DDX31: variants seen among roughly 807,000 people sequenced by gnomAD.
The protein encoded by DDX31 is ATP-dependent DNA helicase DDX31.
Under a neutral mutation model 91.3 loss-of-function variants are expected in DDX31, and 70 were observed. The observed-to-expected ratio is 0.77, with a 90% CI of 0.63 to 0.94. The LOEUF (loss-of-function observed/expected upper bound fraction) is 0.94. DDX31 is among the 40% of genes least tolerant of loss of function. The pLI is 0.00. For missense variants in DDX31, 902 were observed against 925.0 expected, an observed-to-expected ratio of 0.98 and a Z score of 0.32; for synonymous variants, 362 against 350.6, an observed-to-expected ratio of 1.03 and a Z score of -0.36.
chr9:132,640,204 C>T (rs977878969), intron 14 of DDX31, among the ~76,000 whole-genome samples: 2 of 152,066 alleles, frequency 1.3e-5, no homozygotes, highest in Non-Finnish European at 2.9e-5. Flanking sequence ...TGGGACAGCC[C>T]CATGGGGAAG....
intron 19 of DDX31, among the ~76,000 whole-genome samples, chr9:132,608,073 C>T (rs1411846182): frequency 6.6e-6 from 1 of 152,188 alleles, no homozygotes; most frequent in African/African-American, 2.4e-5. Context: ...GATATGTTAC[C>T]TTTGCTTCTC....
intron 17 of DDX31, among the ~76,000 whole-genome samples, chr9:132,622,088 A>C (rs1379918558): frequency 1.3e-5 from 2 of 152,156 alleles, no homozygotes; most frequent in Non-Finnish European, 2.9e-5. Context: ...ATCATGAGAC[A>C]GAGTTTCTAG....
intron 18 of DDX31, 45 bp from the exon 19 acceptor site, chr9:132,612,300 C>T: frequency 6.2e-7 from 1 of 1,611,160 alleles, no homozygotes; most frequent in East Asian, 2.2e-5. Context: ...GGACCGGGGT[C>T]TCCAAGCTCC....
At chr9:132,610,842 G>A (rs183366723) in intron 19 of DDX31, among the ~76,000 whole-genome samples, 3 of 152,210 alleles carry the variant, frequency 2.0e-5, no homozygotes, top group African/African-American at 2.4e-5. Context: ...GCTCGGAGAC[G>A]TTAAGAAAAG....
At chr9:132,631,171 C>T (rs550885463) in intron 15 of DDX31, among the ~76,000 whole-genome samples, 3 of 152,330 alleles carry the variant, frequency 2.0e-5, no homozygotes, top group South Asian at 2.1e-4. Flanking sequence ...CTCATTCTTC[C>T]CTATGTTTTC....
At chr9:132,634,482 AT>A (rs1273852265) in intron 14 of DDX31, among the ~76,000 whole-genome samples, 1 of 151,924 alleles carries the variant, frequency 6.6e-6, no homozygotes, top group Non-Finnish European at 1.5e-5. Flanking sequence ...AAGGACACTG[AT>A]CTACATAACC....
chr9:132,604,422 T>C (rs866842328), intron 19 of DDX31, among the ~76,000 whole-genome samples: 2 of 152,206 alleles, frequency 1.3e-5, no homozygotes, highest in Admixed American at 6.5e-5. Flanking sequence ...GAGCATGTTC[T>C]TGGCTATCAT....
At position 132,594,383 on chromosome 9, in the gene DDX31, A is replaced by G. The variant is rs1198675347; in HGVS notation, c.*483T>C. 6.5e-6 allele frequency: 1 copy of G among 154,886 alleles called. No individual in the cohort carries two copies. Among genetic ancestry groups the G allele is most frequent in the Admixed American group, 6.3e-5 (1 of 15,858 alleles). The allele number at this position is 154,886 out of a possible 1,614,324, so 9.6% of individuals were successfully genotyped here. A position where few individuals can be genotyped will look rare whatever the true frequency, so the allele number is the denominator to read the frequency against. On this transcript the variant is annotated 3_prime_UTR_variant, in exon 20 of 20. Coordinates refer to ENST00000372159, the MANE Select transcript of DDX31 (RefSeq NM_022779.9). ...ATTAAGAAAATAATTAGTGATAAATATATTCTCTTTTTGTACAAATTCAAT... is the reference window on the plus strand; with the variant it reads ...ATTAAGAAAATAATTAGTGATAAATGTATTCTCTTTTTGTACAAATTCAAT...
At position 132,668,498 on chromosome 9, in the gene DDX31, G is replaced by A. The variant is rs1490037415; in HGVS notation, c.75+1362C>T. Reference sequence around the variant, plus strand: ...AAGAGACTTATTCTGAGCCAAGTATGAGTGACCATGGCCCATGATCCAGCC... The same window carrying A: ...AAGAGACTTATTCTGAGCCAAGTATAAGTGACCATGGCCCATGATCCAGCC... On this transcript the variant is annotated intron_variant, in intron 1 of 19. Transcript: ENST00000372159. 1.3e-5 allele frequency among the ~76,000 whole-genome samples: 2 copies of A among 151,848 alleles called. 1 individual carries two copies.
In DDX31 at chr9:132,625,760, G is replaced by T. The variant is rs1375694620; in HGVS notation, c.1632-15C>A. 2.5e-6 allele frequency: 4 copies of T among 1,608,150 alleles called. No homozygotes were observed. The highest frequency in any genetic ancestry group is 2.5e-6 in the Non-Finnish European group (3 of 1,176,846). On this transcript the variant is annotated splice_polypyrimidine_tract_variant and intron_variant, in intron 16 of 19. Coordinates refer to ENST00000372159, the MANE Select transcript of DDX31 (RefSeq NM_022779.9). ...TCTCAGAAACGCTGTAAAAGGAAGGGCACAGCAAGGTAACTTTTTGCTCTT... is the reference window on the plus strand; with the variant it reads ...TCTCAGAAACGCTGTAAAAGGAAGGTCACAGCAAGGTAACTTTTTGCTCTT...
intron 17 of DDX31, among the ~76,000 whole-genome samples, chr9:132,623,304 TC>T (rs2130599231): frequency 1.3e-5 from 2 of 151,812 alleles, no homozygotes; most frequent in African/African-American, 4.8e-5. Flanking sequence ...ATGCCTGTAA[TC>T]CCAGCACTTT....
intron 8 of DDX31, 104 bp downstream of exon 8, chr9:132,650,971 G>C: frequency 8.3e-7 from 1 of 1,208,544 alleles, no homozygotes; most frequent in Admixed American, 2.1e-5. Context: ...CAGGCAAAAG[G>C]AAATAATTCT....
In DDX31 at chr9:132,594,673, C is replaced by A. The variant is rs868674087; in HGVS notation, c.*193G>T. On this transcript the variant is annotated 3_prime_UTR_variant, in exon 20 of 20. Coordinates refer to ENST00000372159, the MANE Select transcript of DDX31 (RefSeq NM_022779.9). ...CGGGAGCTGGCTAGTCTCTACAGTGCCCCACACCACTGATTTCTATCAGGC... is the reference window on the plus strand; with the variant it reads ...CGGGAGCTGGCTAGTCTCTACAGTGACCCACACCACTGATTTCTATCAGGC... 9 of 888,418 alleles carry A rather than the reference C, an allele frequency of 1.0e-5. No individual in the cohort carries two copies. Among genetic ancestry groups the A allele is most frequent in the African/African-American group, 8.4e-5 (5 of 59,442 alleles). The allele number at this position is 888,418 out of a possible 1,614,324, so 55.0% of individuals were successfully genotyped here.
At chr9:132,637,909 A>T (rs1590048692) in intron 14 of DDX31, 1 of 992,904 alleles carries the variant, frequency 1.0e-6, no homozygotes, top group African/African-American at 1.7e-5. Context: ...TGACATTGTG[A>T]CTCTTCACAG....
At chr9:132,656,604 G>T (rs1270150332) in intron 6 of DDX31, among the ~76,000 whole-genome samples, 1 of 152,178 alleles carries the variant, frequency 6.6e-6, no homozygotes, top group African/African-American at 2.4e-5. Context: ...CACAGAGGAT[G>T]AACAATTTGC....
chr9:132,606,717 G>A (rs553540176), intron 19 of DDX31, among the ~76,000 whole-genome samples: 5 of 152,258 alleles, frequency 3.3e-5, no homozygotes, highest in African/African-American at 1.2e-4. Context: ...ACTGTAAGTG[G>A]CCCGGCCAGG....
chr9:132,643,078 C>T (rs992552873), intron 13 of DDX31, among the ~76,000 whole-genome samples: 1 of 152,204 alleles, frequency 6.6e-6, no homozygotes, highest in Admixed American at 6.5e-5. Flanking sequence ...CCAGCCTCAG[C>T]CTCCCAAAGT....
chr9:132,622,066 G>A (rs1001185093), intron 17 of DDX31, among the ~76,000 whole-genome samples: 3 of 151,872 alleles, frequency 2.0e-5, no homozygotes, highest in Non-Finnish European at 4.4e-5. Context: ...CAAGGTAGGA[G>A]CTGGGGCTGA....
At chr9:132,659,025 C>T (rs1238452144) in intron 5 of DDX31, among the ~76,000 whole-genome samples, 1 of 152,220 alleles carries the variant, frequency 6.6e-6, no homozygotes, top group Non-Finnish European at 1.5e-5. Flanking sequence ...AGAAGCTCAA[C>T]TTGATGGCTG....
Sources: allele counts gnomAD v4.1 joint callset (sites outside exome capture counted in the v4.1 genomes callset), GRCh38; gene constraint gnomAD v4.1.1; transcripts MANE v1.5; gene names NCBI Gene and HGNC (gene_info 2026-07-23, HGNC 2026-07-21).